The following LYST variants were observed in gnomAD, a reference collection of about 807,000 sequenced individuals.
The protein encoded by LYST is lysosomal trafficking regulator.
A neutral mutation model predicts 413.6 loss-of-function variants in LYST; 192 were observed. The ratio of observed to expected loss-of-function variants is 0.46; its 90% CI spans 0.41 to 0.52. LYST has a LOEUF of 0.52. Among genes scored for constraint, LYST ranks in the 20% least tolerant of loss-of-function variants. The pLI is 0.00. For synonymous variants in LYST, 1,525 were observed against 1,567.3 expected, an observed-to-expected ratio of 0.97 and a Z score of 0.64; for missense variants, 3,815 against 4,499.9, an observed-to-expected ratio of 0.85 and a Z score of 4.35.
intron 6 of LYST, 78 bp downstream of exon 6, chr1:235,805,665 A>G (rs2102858153): frequency 2.9e-6 from 2 of 684,684 alleles, no homozygotes; most frequent in Admixed American, 3.0e-5. Flanking sequence ...TACATATTAC[A>G]TTTTTTATAT....
At chr1:235,692,025 T>C (rs1254823416) in intron 47 of LYST, among the ~76,000 whole-genome samples, 1 of 150,230 alleles carries the variant, frequency 6.7e-6, no homozygotes, top group African/African-American at 2.4e-5. Context: ...CTGGACAAAT[T>C]GCAGGATATT....
intron 40 of LYST, among the ~76,000 whole-genome samples, chr1:235,719,689 C>CA (rs1056673667): frequency 1.0e-4 from 15 of 149,780 alleles, no homozygotes; most frequent in African/African-American, 3.4e-4. Context: ...GGATTCTTGC[C>CA]AAAAAAAGAG....
chr1:235,770,038 A>T, intron 20 of LYST, 122 bp downstream of exon 20: 1 of 831,646 alleles, frequency 1.2e-6, no homozygotes, highest in Non-Finnish European at 2.0e-6. Flanking sequence ...GAGAATCTGG[A>T]GAGAAGATGG....
rs900298623 is a variant in LYST at position 235,804,387 on chromosome 1, C to A, written c.3555+117G>T. Reference sequence around the variant, plus strand: ...AGGAGATAAGATCCACTGAACTCATCTGACCAAGTCCTAGTCCATATGCTC... The same window carrying A: ...AGGAGATAAGATCCACTGAACTCATATGACCAAGTCCTAGTCCATATGCTC... On this transcript the variant is annotated intron_variant, in intron 7 of 52. Coordinates refer to ENST00000389793, the MANE Select transcript of LYST (RefSeq NM_000081.4). 9 of 826,788 alleles carry A rather than the reference C, an allele frequency of 1.1e-5. No homozygotes were observed. In the African/African-American group the frequency reaches 1.3e-4, roughly 12 times the overall value. The allele number at this position is 826,788 out of a possible 1,614,324, so 51.2% of individuals were successfully genotyped here.
intron 1 of LYST, among the ~76,000 whole-genome samples, chr1:235,878,116 T>C (rs1019155176): frequency 1.3e-4 from 20 of 152,228 alleles, no homozygotes; most frequent in African/African-American, 4.6e-4. Context: ...TGGATCTTTA[T>C]AGTTTTAAAA....
In LYST at chr1:235,690,391, T is replaced by A. The variant is rs538621263; in HGVS notation, c.10701+2959A>T. On this transcript the variant is annotated intron_variant, in intron 47 of 52. Transcript: ENST00000389793. ...TTTTCATTTATTTTGTAGACTCATT[T>A]CCAATTTAGTTATACTACAAGCTTT... Among the ~76,000 whole-genome samples the A allele has an allele frequency of 2.0e-5, 3 of 152,358 alleles. No homozygotes were observed. In the South Asian group the frequency reaches 6.2e-4, roughly 32 times the overall value.
At chr1:235,877,652 C>T (rs568560844) in intron 1 of LYST, among the ~76,000 whole-genome samples, 6 of 152,130 alleles carry the variant, frequency 3.9e-5, no homozygotes, top group South Asian at 4.2e-4. Flanking sequence ...GTGATCCACC[C>T]GCCTTGGCCT....
intron 16 of LYST, among the ~76,000 whole-genome samples, chr1:235,777,783 T>C (rs1257253394): frequency 6.6e-6 from 1 of 152,162 alleles, no homozygotes; most frequent in Non-Finnish European, 1.5e-5. Flanking sequence ...AATTCCAGAT[T>C]GTCAACAGTC....
intron 28 of LYST, among the ~76,000 whole-genome samples, chr1:235,748,674 C>A (rs532720103): frequency 6.6e-6 from 1 of 152,256 alleles, no homozygotes; most frequent in South Asian, 2.1e-4. Context: ...CAACTTGGAA[C>A]TGCTGAGCAG....
intron 1 of LYST, among the ~76,000 whole-genome samples, chr1:235,881,651 G>A (rs537214326): frequency 1.9e-4 from 29 of 152,150 alleles, no homozygotes; most frequent in Non-Finnish European, 2.6e-4. Flanking sequence ...TTACATACAC[G>A]TACATACATA....
chr1:235,679,028 A>C (rs966161062), intron 48 of LYST, among the ~76,000 whole-genome samples: 1 of 152,180 alleles, frequency 6.6e-6, no homozygotes, highest in African/African-American at 2.4e-5. Flanking sequence ...TATAGACATA[A>C]AAATACATAT....
Position 235,788,843 on chromosome 1 carries a change from T to G in LYST, c.4546A>C (p.Ser1516Arg), listed in dbSNP as rs1670698922. Residue 1516 changes from serine to arginine, a missense_variant and splice_region_variant, in exon 13 of 53, where the codon AGC (serine) becomes CGC (arginine). By Grantham distance (110) the Ser-to-Arg change is moderately radical (BLOSUM62 -1). Coordinates refer to ENST00000389793, the MANE Select transcript of LYST (RefSeq NM_000081.4). ...LPDSSFDGTE[S>R]DRPEGAEYIN... ...TACTCTGCACCTTCTGGTCTGTCGC[T>G]CTCTATAAGAAAAAGATGTTAGAAT... 6.2e-7 allele frequency: 1 copy of G among 1,613,426 alleles called. No homozygotes were observed. Among genetic ancestry groups the G allele is most frequent in the African/African-American group, 1.3e-5 (1 of 75,032 alleles).
intron 1 of LYST, among the ~76,000 whole-genome samples, chr1:235,840,868 A>T (rs1416329192): frequency 6.6e-6 from 1 of 152,250 alleles, no homozygotes; most frequent in Non-Finnish European, 1.5e-5. Flanking sequence ...TCCAAGAATT[A>T]AAATGAGCAC....
chr1:235,837,168 C>T (rs1190255792), intron 1 of LYST, among the ~76,000 whole-genome samples: 1 of 152,108 alleles, frequency 6.6e-6, no homozygotes, highest in African/African-American at 2.4e-5. Flanking sequence ...TACAACTGAG[C>T]CCTGGGCTTA....
chr1:235,734,920 T>A (rs910406038), intron 31 of LYST: 1 of 270,478 alleles, frequency 3.7e-6, no homozygotes, highest in African/African-American at 2.2e-5. Flanking sequence ...AATTTAGAGG[T>A]AAAATATCAT....
At chr1:235,789,145 T>C (rs1364449894) in intron 12 of LYST, among the ~76,000 whole-genome samples, 1 of 152,174 alleles carries the variant, frequency 6.6e-6, no homozygotes, top group Non-Finnish European at 1.5e-5. Flanking sequence ...CCTATTACAA[T>C]GTGTACCAAG....
intron 2 of LYST, among the ~76,000 whole-genome samples, 191 bp from the exon 3 acceptor site, chr1:235,830,615 TG>T (rs1675867959): frequency 6.6e-6 from 1 of 152,172 alleles, no homozygotes; most frequent in Admixed American, 6.5e-5. Flanking sequence ...ATTCCTTCCA[TG>T]GCGAAATGAG....
Position 235,664,436 on chromosome 1 carries a change from C to CA in LYST, c.11195+28dup, listed in dbSNP as rs745471748. The stretch of plus-strand genomic sequence containing the variant: ...ACTCCTGTGTCCTTATGAATGAAAT[C>CA]AAAAAAAGAGAATCCAAATTCCTCT... On this transcript the variant is annotated intron_variant, in intron 51 of 52. Transcript: ENST00000389793. The surrounding 1 kb of genome is among the most constrained non-coding windows in gnomAD (Gnocchi z 4.5). 6.2e-7 allele frequency: 1 copy of CA among 1,607,696 alleles called. No individual in the cohort carries two copies. Among genetic ancestry groups the CA allele is most frequent in the Non-Finnish European group, 8.5e-7 (1 of 1,174,678 alleles).
intron 3 of LYST, among the ~76,000 whole-genome samples, chr1:235,820,881 T>C (rs1674682017): frequency 1.3e-5 from 2 of 152,228 alleles, no homozygotes; most frequent in African/African-American, 4.8e-5. Flanking sequence ...TCTCTTTCCT[T>C]TTCTTTTCTA....
Sources: gnomAD v4.1 joint callset for allele counts (sites outside exome capture counted in the v4.1 genomes callset) on GRCh38, gnomAD v4.1.1 for gene constraint, Gnocchi (gnomAD v3.1) non-coding constraint, MANE v1.5 for transcripts, NCBI Gene and HGNC (gene_info 2026-07-23, HGNC 2026-07-21) for gene names.